Variants in TCF7L2 observed in about 807,000 individuals in gnomAD.
TCF7L2 encodes the protein transcription factor 7-like 2.
A neutral mutation model predicts 77.9 loss-of-function variants in TCF7L2; 23 were observed. The ratio of observed to expected loss-of-function variants is 0.30; its 90% CI spans 0.21 to 0.42. The LOEUF is 0.42. Among genes scored for constraint, TCF7L2 ranks in the 10% least tolerant of loss-of-function variants. The probability of loss-of-function intolerance (pLI) is 1.00; values close to 1 mark genes in which losing one functional copy is unlikely to be tolerated. For synonymous variants in TCF7L2, 413 were observed against 340.2 expected (o/e 1.21, Z -2.36); for missense variants, 654 against 793.1 (o/e 0.82, Z 2.11).
At chr10:113,058,324 G>A (rs1269496385) in intron 5 of TCF7L2, among the ~76,000 whole-genome samples, 1 of 152,152 alleles carries the variant, frequency 6.6e-6, no homozygotes, top group Non-Finnish European at 1.5e-5. Context: ...TGGGTCTGAA[G>A]AGGCCCTTTA....
chr10:112,951,700 G>GCCTCCCCCCCCCCGCCT (rs2031447423), intron 3 of TCF7L2, 93 bp downstream of exon 3: 1 of 523,418 alleles, frequency 1.9e-6, no homozygotes, highest in African/African-American at 6.0e-5. Flanking sequence ...CCCCCTCCCC[G>GCCTCCCCCCCCCCGCCT]CCTCCCCCTC....
chr10:113,044,842 C>T (rs2053141628), intron 5 of TCF7L2, among the ~76,000 whole-genome samples: 1 of 152,116 alleles, frequency 6.6e-6, no homozygotes, highest in Non-Finnish European at 1.5e-5. Context: ...TCGGGCAGGG[C>T]TCCGGGAGAG....
chr10:113,156,799 G>A (rs2072002007), intron 11 of TCF7L2, among the ~76,000 whole-genome samples: 1 of 152,216 alleles, frequency 6.6e-6, no homozygotes, highest in South Asian at 2.1e-4. Flanking sequence ...TGAGGGCTTT[G>A]GAGCCAAGAC....
At chr10:113,031,818 A>G (rs973617024) in intron 4 of TCF7L2, among the ~76,000 whole-genome samples, 5 of 152,120 alleles carry the variant, frequency 3.3e-5, no homozygotes, top group African/African-American at 1.2e-4. Context: ...TAATTCCTGC[A>G]CCATTGATTA....
At chr10:113,077,704 T>A (rs1193522790) in intron 5 of TCF7L2, among the ~76,000 whole-genome samples, 4 of 145,376 alleles carry the variant, frequency 2.8e-5, no homozygotes, top group African/African-American at 1.0e-4. Context: ...CTTTTCTTCT[T>A]TTTTTTTTTT....
chr10:113,126,765 G>T (rs913199749), intron 5 of TCF7L2: 4 of 985,732 alleles, frequency 4.1e-6, no homozygotes, highest in Non-Finnish European at 4.8e-6. Context: ...GCTGCAGGGC[G>T]GGTGCTGCCC....
intron 4 of TCF7L2, among the ~76,000 whole-genome samples, chr10:112,976,866 G>A (rs1174289639): frequency 3.3e-5 from 5 of 152,034 alleles, no homozygotes; most frequent in Non-Finnish European, 5.9e-5. Context: ...TAGAGACTAT[G>A]GCATCATCCA....
chr10:113,058,913 G>GC (rs1330507313), intron 5 of TCF7L2, among the ~76,000 whole-genome samples: 8 of 152,136 alleles, frequency 5.3e-5, no homozygotes, highest in African/African-American at 1.9e-4. Flanking sequence ...GTTAATGCCC[G>GC]CTCTGCAAAC....
Position 112,950,723 on chromosome 10 carries a change from T to G in TCF7L2, c.-34T>G. ...TTGGCTTTTCTTCCTCCTTCATTTTTCTTCCAAAATTGCTGCTGGTGGGTG... is the reference window on the plus strand; with the variant it reads ...TTGGCTTTTCTTCCTCCTTCATTTTGCTTCCAAAATTGCTGCTGGTGGGTG... On this transcript the variant is annotated 5_prime_UTR_variant, in exon 1 of 14. Transcript: ENST00000627217. 6.6e-7 allele frequency: 1 copy of G among 1,526,270 alleles called. No homozygotes were observed. Among genetic ancestry groups the G allele is most frequent in the Non-Finnish European group, 8.8e-7 (1 of 1,140,720 alleles). The allele number at this position is 1,526,270 out of a possible 1,614,324, so 94.5% of individuals were successfully genotyped here.
chr10:113,129,253 G>A, intron 5 of TCF7L2: 1 of 961,220 alleles, frequency 1.0e-6, no homozygotes, highest in Non-Finnish European at 1.2e-6. Flanking sequence ...TTTGTTTTGA[G>A]GGATTTGACA....
chr10:113,142,863 T>A (rs1263801721), intron 6 of TCF7L2, among the ~76,000 whole-genome samples: 1 of 152,234 alleles, frequency 6.6e-6, no homozygotes, highest in East Asian at 1.9e-4. Flanking sequence ...CTTTCAAGTG[T>A]GCAAATGGCT....
intron 5 of TCF7L2, among the ~76,000 whole-genome samples, chr10:113,083,259 G>GACACACACACACACACACAC (rs10649541): frequency 7.0e-6 from 1 of 143,364 alleles, no homozygotes; most frequent in African/African-American, 2.6e-5. Context: ...TATACTGATA[G>GACACACACACACACACACAC]ACACACACAC....
chr10:113,108,304 C>T (rs74157216), intron 5 of TCF7L2, among the ~76,000 whole-genome samples: 1,735 of 152,268 alleles, frequency 0.011, 26 homozygotes, highest in African/African-American at 0.04. Flanking sequence ...AGTGGGGAAT[C>T]GCTTTTGTCC....
chr10:113,099,556 T>C (rs1352806806), intron 5 of TCF7L2, among the ~76,000 whole-genome samples: 1 of 152,200 alleles, frequency 6.6e-6, no homozygotes, highest in Non-Finnish European at 1.5e-5. Flanking sequence ...GAGCTTATGC[T>C]TTCTTAGGGA....
intron 5 of TCF7L2, among the ~76,000 whole-genome samples, chr10:113,048,044 C>A (rs894517713): frequency 6.6e-6 from 1 of 152,174 alleles, no homozygotes; most frequent in Non-Finnish European, 1.5e-5. Context: ...AGGATCTTGA[C>A]TCTGCAGGGG....
intron 4 of TCF7L2, among the ~76,000 whole-genome samples, chr10:113,012,410 G>A (rs1306314127): frequency 6.6e-6 from 1 of 152,186 alleles, no homozygotes; most frequent in Non-Finnish European, 1.5e-5. Context: ...AGCAATATTT[G>A]TTGAGTCTCT....
chr10:113,089,807 G>A (rs2060187151), intron 5 of TCF7L2, among the ~76,000 whole-genome samples: 2 of 152,160 alleles, frequency 1.3e-5, no homozygotes, highest in South Asian at 2.1e-4. Flanking sequence ...GAAGGCCCTC[G>A]TGATCCAGTG....
At chr10:113,031,480 CTT>C (rs57567068) in intron 4 of TCF7L2, among the ~76,000 whole-genome samples, 6,826 of 134,822 alleles carry the variant, frequency 0.051, 148 homozygotes, top group African/African-American at 0.06. Context: ...ACTGTGCAAC[CTT>C]TTTTTTTTTT....
At chr10:113,106,165 GA>G (rs2062291744) in intron 5 of TCF7L2, among the ~76,000 whole-genome samples, 1 of 152,148 alleles carries the variant, frequency 6.6e-6, no homozygotes, top group Non-Finnish European at 1.5e-5. Flanking sequence ...ACCCCAACCA[GA>G]GTAATGTGTT....
Sources: gnomAD v4.1 joint callset for allele counts (sites outside exome capture counted in the v4.1 genomes callset) on GRCh38, gnomAD v4.1.1 for gene constraint, MANE v1.5 for transcripts, NCBI Gene and HGNC (gene_info 2026-07-23, HGNC 2026-07-21) for gene names.